Variants in GREB1 observed in about 807,000 individuals in gnomAD.
GREB1 encodes growth regulating estrogen receptor binding 1.
In GREB1, 106 loss-of-function variants were observed where a neutral mutation model predicts 200.7. That is an observed-to-expected ratio of 0.53 (90% CI 0.45 to 0.62). The LOEUF (loss-of-function observed/expected upper bound fraction) is 0.62, where lower values mean the gene tolerates loss of function less well. Ranked by LOEUF, GREB1 falls within the 20% of genes least tolerant of loss-of-function variation. The probability of loss-of-function intolerance (pLI) is 0.00; values close to 1 mark genes in which losing one functional copy is unlikely to be tolerated. For missense variants in GREB1, 2,243 were observed against 2,556.8 expected (o/e 0.88, Z 2.65); for synonymous variants, 1,132 against 1,092.4 (o/e 1.04, Z -0.72).
intron 1 of GREB1, among the ~76,000 whole-genome samples, chr2:11,506,093 AC>A (rs1367101597): frequency 1.3e-5 from 2 of 152,172 alleles, no homozygotes; most frequent in Non-Finnish European, 2.9e-5. Flanking sequence ...TTTATTGAGC[AC>A]CTGCAGTATG....
In GREB1 at chr2:11,612,510, G is replaced by A. The variant is rs766245960; in HGVS notation, c.3022G>A (p.Glu1008Lys). 22 of 1,609,970 alleles carry A rather than the reference G, an allele frequency of 1.4e-5. No individual in the cohort carries two copies. The East Asian group carries it at 4.2e-4, about 31-fold the overall frequency. The change falls in exon 19 of 33, where the codon GAG becomes AAG. Residue 1008 changes from glutamate (E) to lysine (K), a missense_variant. By Grantham distance (56) the Glu-to-Lys change is moderately conservative. Coordinates refer to ENST00000381486, the MANE Select transcript of GREB1 (RefSeq NM_014668.4). The stretch of plus-strand genomic sequence containing the variant: ...TTATCTGCAGATGTGGCAGAAAATT[G>A]AGGATGTGGAGTGGAGACCCCAGAC... ...VKQLRMWQKI[E>K]DVEWRPQTYL...
chr2:11,486,101 T>C (rs1672648894), intron 1 of GREB1, among the ~76,000 whole-genome samples: 1 of 152,164 alleles, frequency 6.6e-6, no homozygotes, highest in Non-Finnish European at 1.5e-5. Flanking sequence ...CAGTTAGGGC[T>C]TTCGAGGGGG....
At chr2:11,541,219 G>A (rs1674713161) in intron 1 of GREB1, among the ~76,000 whole-genome samples, 1 of 152,178 alleles carries the variant, frequency 6.6e-6, no homozygotes, top group Non-Finnish European at 1.5e-5. Context: ...GGTATGTGGT[G>A]TGTTTTGGAT....
At chr2:11,504,355 A>G (rs1673123513) in intron 1 of GREB1, among the ~76,000 whole-genome samples, 1 of 152,252 alleles carries the variant, frequency 6.6e-6, no homozygotes, top group Non-Finnish European at 1.5e-5. Flanking sequence ...GAAACCATGA[A>G]AAGTGAAACT....
At position 11,618,868 on chromosome 2, in the gene GREB1, C is replaced by A; in HGVS notation, c.3993C>A (p.Gly1331=). The stretch of plus-strand genomic sequence containing the variant: ...TGGACTACGGCAACCGGGCCGAGGG[C>A]CGCGTGGACGGCTTCCACCCCCGCA... ...SHMDYGNRAE[G]RVDGFHPRRL... The change falls in exon 22 of 33, where the codon GGC becomes GGA. Residue 1331 remains glycine (G), a synonymous_variant. Coordinates refer to ENST00000381486, the MANE Select transcript of GREB1 (RefSeq NM_014668.4). 6.3e-7 allele frequency: 1 copy of A among 1,578,680 alleles called. No individual in the cohort carries two copies. Among genetic ancestry groups the A allele is most frequent in the Non-Finnish European group, 8.6e-7 (1 of 1,167,474 alleles).
chr2:11,587,207 G>A (rs1254418909), intron 9 of GREB1, among the ~76,000 whole-genome samples: 2 of 152,262 alleles, frequency 1.3e-5, no homozygotes, highest in South Asian at 4.1e-4. Context: ...GCTCCCCACA[G>A]CCATATGTCC....
intron 1 of GREB1, among the ~76,000 whole-genome samples, chr2:11,507,404 A>AT (rs1673213807): frequency 2.3e-3 from 1 of 442 alleles, no homozygotes; most frequent in Non-Finnish European, 0.038. Flanking sequence ...GCAAGACTCC[A>AT]AAAAAAAAAA....
intron 7 of GREB1, among the ~76,000 whole-genome samples, chr2:11,582,981 A>G (rs564084625): frequency 6.6e-6 from 1 of 152,196 alleles, no homozygotes; most frequent in Non-Finnish European, 1.5e-5. Context: ...GTGCTGGGAC[A>G]GAGCGGGCAG....
At chr2:11,612,423 C>A in intron 18 of GREB1, 72 bp from the exon 19 acceptor site, 1 of 1,499,496 alleles carries the variant, frequency 6.7e-7, no homozygotes, top group Non-Finnish European at 9.2e-7. Flanking sequence ...GGGAGGCCAT[C>A]AGGATTCCTC....
At chr2:11,636,879 CAG>C (rs1685391041) in intron 30 of GREB1, among the ~76,000 whole-genome samples, 1 of 145,106 alleles carries the variant, frequency 6.9e-6, no homozygotes, top group African/African-American at 2.6e-5. Context: ...AGGACAGAGG[CAG>C]GGGCATGGAC....
At chr2:11,554,764 G>C (rs965747633) in intron 1 of GREB1, among the ~76,000 whole-genome samples, 4 of 152,168 alleles carry the variant, frequency 2.6e-5, no homozygotes, top group Non-Finnish European at 5.9e-5. Context: ...TAGAGTTTAC[G>C]AATGTCTTTT....
intron 1 of GREB1, among the ~76,000 whole-genome samples, chr2:11,526,432 A>G (rs542892781): frequency 5.9e-5 from 9 of 152,178 alleles, no homozygotes; most frequent in African/African-American, 2.2e-4. Context: ...TCTCATTAGT[A>G]AAACAAGAAT....
intron 3 of GREB1, among the ~76,000 whole-genome samples, chr2:11,566,257 T>A (rs1437143925): frequency 6.6e-6 from 1 of 152,112 alleles, no homozygotes; most frequent in African/African-American, 2.4e-5. Flanking sequence ...CCTCAAGTGA[T>A]CCTCCCGACT....
intron 3 of GREB1, among the ~76,000 whole-genome samples, chr2:11,566,019 T>TATA (rs1677607397): frequency 6.7e-6 from 1 of 149,006 alleles, no homozygotes; most frequent in African/African-American, 2.5e-5. Context: ...ATAACTATGA[T>TATA]TATATATATA....
At position 11,625,714 on chromosome 2, in the gene GREB1, C is replaced by T. The variant is rs529429915; in HGVS notation, c.4306+402C>T. On this transcript the variant is annotated intron_variant, in intron 24 of 32. Coordinates refer to ENST00000381486, the MANE Select transcript of GREB1 (RefSeq NM_014668.4). ...ATCCCCAACATCCATGGTGTGCTGG[C>T]GCTGCAGTGTACCGGGGCCATTGCG... Among the ~76,000 whole-genome samples the T allele has an allele frequency of 6.6e-5, 10 of 152,268 alleles. No homozygotes were observed. The South Asian group carries it at 8.3e-4, about 13-fold the overall frequency.
intron 15 of GREB1, 92 bp from the exon 16 acceptor site, chr2:11,600,707 CA>C: frequency 1.0e-6 from 1 of 980,624 alleles, no homozygotes; most frequent in Non-Finnish European, 1.6e-6. Context: ...TTGGTAAAGT[CA>C]GGGGTTAGTT....
chr2:11,625,233 C>A lies in GREB1; in HGVS notation c.4227C>A (p.Pro1409=), dbSNP rs368065500. Residue 1409 remains proline (P), a synonymous_variant, in exon 24 of 33, where the codon CCC becomes CCA. Coordinates refer to ENST00000381486, the MANE Select transcript of GREB1 (RefSeq NM_014668.4). ...ACCTGGAGCTGTTCAAGAAGTTGCC[C>A]TTTGACTACATCATTCACGACCCGA... is the stretch of plus-strand genomic sequence containing the variant. ...WPDLELFKKL[P]FDYIIHDPKY... 1 of 1,614,038 alleles carries A rather than the reference C, an allele frequency of 6.2e-7. No homozygotes were observed. Among genetic ancestry groups the A allele is most frequent in the Admixed American group, 1.7e-5 (1 of 60,014 alleles).
At chr2:11,488,394 G>A (rs1040153342) in intron 1 of GREB1, among the ~76,000 whole-genome samples, 3 of 152,162 alleles carry the variant, frequency 2.0e-5, no homozygotes, top group Admixed American at 1.3e-4. Flanking sequence ...TCAACCGAAC[G>A]TTAGACTTCT....
chr2:11,485,236 C>T (rs1672626192), intron 1 of GREB1, among the ~76,000 whole-genome samples: 1 of 147,842 alleles, frequency 6.8e-6, no homozygotes, highest in Non-Finnish European at 1.5e-5. Flanking sequence ...TTAGAAGCAA[C>T]ATTTATTTTA....
Sources: gnomAD v4.1 joint callset for allele counts (sites outside exome capture counted in the v4.1 genomes callset) on GRCh38, gnomAD v4.1.1 for gene constraint, MANE v1.5 for transcripts, NCBI Gene and HGNC (gene_info 2026-07-23, HGNC 2026-07-21) for gene names.